ZNF540: variants seen among roughly 807,000 people sequenced by gnomAD.
The protein encoded by ZNF540 is CTD-3064H18.6.
In ZNF540, 3 loss-of-function variants were observed where a neutral mutation model predicts 11.8. The observed-to-expected ratio is 0.25, with a 90% CI of 0.12 to 0.65. The LOEUF is 0.65. Ranked by LOEUF, ZNF540 falls within the 30% of genes least tolerant of loss-of-function variation. ZNF540 has a pLI of 0.83. For missense variants in ZNF540, 709 were observed against 793.1 expected (o/e 0.89, Z 1.27); for synonymous variants, 247 against 259.0 (o/e 0.95, Z 0.45).
intron 1 of ZNF540, among the ~76,000 whole-genome samples, chr19:37,584,701 G>A (rs879025970): frequency 2.0e-5 from 3 of 152,086 alleles, no homozygotes; most frequent in Admixed American, 6.6e-5. Context: ...GGTGGCTCAC[G>A]CTTGTAATCC....
chr19:37,597,936 C>T (rs959527850), intron 1 of ZNF540, among the ~76,000 whole-genome samples: 8 of 152,244 alleles, frequency 5.3e-5, no homozygotes, highest in Non-Finnish European at 8.8e-5. Flanking sequence ...CCATAGGTTG[C>T]AAACTCCTAG....
chr19:37,612,888 G>A lies in ZNF540; in HGVS notation c.1608G>A (p.Gly536=). Residue 536 remains glycine, a synonymous_variant, in exon 5 of 5, where the codon GGG becomes GGA. Coordinates refer to ENST00000316433, the MANE Select transcript of ZNF540 (RefSeq NM_001172225.3). ...GTGGAAAGGCCTTTATTCGTAGAGG[G>A]AATCTTAAAGAACATCTGAAAATTC... is the stretch of plus-strand genomic sequence containing the variant. The part of the protein sequence containing the change: ...KECGKAFIRR[G]NLKEHLKIHS... 1 of 1,613,754 alleles carries A rather than the reference G, an allele frequency of 6.2e-7. No individual in the cohort carries two copies. Among genetic ancestry groups the A allele is most frequent in the Non-Finnish European group, 8.5e-7 (1 of 1,179,930 alleles).
intron 1 of ZNF540, chr19:37,563,562 ATATATGG>A (rs1218713998): frequency 3.3e-5 from 5 of 152,136 alleles, no homozygotes; most frequent in Non-Finnish European, 5.9e-5. Flanking sequence ...GAATATATAC[ATATATGG>A]TATATGGAAT....
At chr19:37,597,426 T>A (rs2044004684) in intron 1 of ZNF540, 2 of 152,166 alleles carry the variant, frequency 1.3e-5, no homozygotes, top group Admixed American at 1.3e-4. Context: ...TTTCTTTGGT[T>A]TTTTGTTTGT....
intron 1 of ZNF540, chr19:37,564,178 A>C (rs897076144): frequency 2.0e-5 from 3 of 153,416 alleles, no homozygotes; most frequent in African/African-American, 7.2e-5. Context: ...GTAATCATAA[A>C]ATATTCCCAC....
At chr19:37,589,882 A>AAAAAAAAAAAAAC, upstream of ZNF540, among the ~76,000 whole-genome samples, 2 of 149,602 alleles carry the variant, frequency 1.3e-5, no homozygotes, top group African/African-American at 2.4e-5. Flanking sequence ...AAAAAAAAAA[A>AAAAAAAAAAAAAC]AAAAAGCACA....
At position 37,581,450 on chromosome 19, in the gene ZNF540, ATTTC is replaced by A. The variant is rs767046208; in HGVS notation, c.-72-16910_-72-16907del. ...ACCACCCCTCCAGCATTTTATCTCC[ATTTC>A]TTTCTTTCTTTCTTTTTTTTTTTTT... On this transcript the variant is annotated intron_variant, in intron 1 of 4. Coordinates refer to the ZNF540 transcript ENST00000592533. Among the ~76,000 whole-genome samples, 54 of 144,366 alleles carry A rather than the reference ATTTC, an allele frequency of 3.7e-4. 1 individual carries two copies. In the South Asian group the frequency reaches 5.7e-3, roughly 15 times the overall value. The allele number at this position is 144,366 out of a possible 152,430, so 94.7% of individuals were successfully genotyped here.
chr19:37,565,812 G>A (rs779082407), intron 1 of ZNF540: 27 of 1,613,376 alleles, frequency 1.7e-5, no homozygotes, highest in East Asian at 4.5e-5. Context: ...TCAGAAGTAC[G>A]ACCAAAGGCC....
chr19:37,581,187 C>A (rs1202819203), intron 1 of ZNF540, among the ~76,000 whole-genome samples: 1 of 152,266 alleles, frequency 6.6e-6, no homozygotes, highest in African/African-American at 2.4e-5. Flanking sequence ...AATAATAGGA[C>A]AATTTATTTA....
At position 37,612,666 on chromosome 19, in the gene ZNF540, T is replaced by A. The variant is rs1381169525; in HGVS notation, c.1386T>A (p.Thr462=). The A allele has an allele frequency of 1.2e-6, 2 of 1,614,126 alleles. No homozygotes were observed. The highest frequency in any genetic ancestry group is 4.5e-5 in the East Asian group (2 of 44,864). ...TTACTGAACATCAGAGACTTCATAC[T>A]GGTGTGAAGCCCTACGAATGTAAGG... ...SVLTEHQRLH[T]GVKPYECKEC... is the part of the protein sequence containing the mutation. The change falls in exon 5 of 5, where the codon ACT becomes ACA. Residue 462 remains threonine (T), a synonymous_variant. Transcript: ENST00000316433.
chr19:37,566,271 T>A (rs2042856133), intron 1 of ZNF540: 1 of 1,612,282 alleles, frequency 6.2e-7, no homozygotes. Flanking sequence ...AACTTTTTGG[T>A]CACACAACTG....
chr19:37,598,319 T>C, intron 1 of ZNF540, 57 bp from the exon 2 acceptor site: 1 of 855,900 alleles, frequency 1.2e-6, no homozygotes, highest in Admixed American at 2.2e-5. Flanking sequence ...TATATCATAT[T>C]GTTACCTCTG....
chr19:37,566,838 T>C (rs946098276), intron 1 of ZNF540, among the ~76,000 whole-genome samples: 6 of 152,210 alleles, frequency 3.9e-5, no homozygotes, highest in Non-Finnish European at 5.9e-5. Flanking sequence ...ATCTTCCCTA[T>C]TAATGGTCTG....
At chr19:37,591,600 AAT>A (rs1307415858), upstream of ZNF540, among the ~76,000 whole-genome samples, 3 of 152,202 alleles carry the variant, frequency 2.0e-5, no homozygotes, top group Non-Finnish European at 4.4e-5. Flanking sequence ...GCTGTAGTGC[AAT>A]GGCGCAATCT....
chr19:37,608,161 T>A (rs189838724), intron 4 of ZNF540, among the ~76,000 whole-genome samples: 1 of 152,356 alleles, frequency 6.6e-6, no homozygotes, highest in East Asian at 1.9e-4. Flanking sequence ...CTTCTGGTAT[T>A]TTCATCATGT....
chr19:37,603,986 A>G (rs1045726048), intron 4 of ZNF540, among the ~76,000 whole-genome samples: 1 of 152,144 alleles, frequency 6.6e-6, no homozygotes, highest in Admixed American at 6.5e-5. Flanking sequence ...GTTTGCCTCT[A>G]AAGTTCTTAA....
chr19:37,564,593 C>A, intron 1 of ZNF540: 1 of 1,488,670 alleles, frequency 6.7e-7, no homozygotes. Flanking sequence ...ACATTCAAGG[C>A]TTTCTCAATT....
chr19:37,594,084 A>G (rs926273783), upstream of ZNF540: 2 of 152,244 alleles, frequency 1.3e-5, no homozygotes, highest in African/African-American at 4.8e-5. Flanking sequence ...GGATAACACC[A>G]ACCTCTAGAA....
At chr19:37,588,169 T>C (rs1330001021) in intron 1 of ZNF540, among the ~76,000 whole-genome samples, 1 of 145,108 alleles carries the variant, frequency 6.9e-6, no homozygotes. Flanking sequence ...GATATAAAGA[T>C]GTTAACCTCT....
Sources: gnomAD v4.1 joint callset for allele counts (sites outside exome capture counted in the v4.1 genomes callset) on GRCh38, gnomAD v4.1.1 for gene constraint, MANE v1.5 for transcripts, NCBI Gene and HGNC (gene_info 2026-07-23, HGNC 2026-07-21) for gene names.